The following MYOCOS variants were observed in gnomAD, a reference collection of about 807,000 sequenced individuals.
The protein encoded by MYOCOS is myocilin opposite strand.
chr1:171,618,697 T>A (rs1652495102), upstream of MYOCOS, among the ~76,000 whole-genome samples: 1 of 152,196 alleles, frequency 6.6e-6, no homozygotes, highest in South Asian at 2.1e-4. Context: ...TGTCTCTGCC[T>A]CCCGAGTAGC....
chr1:171,621,522 C>G (rs1406960066), upstream of MYOCOS, among the ~76,000 whole-genome samples: 2 of 151,758 alleles, frequency 1.3e-5, no homozygotes, highest in African/African-American at 4.8e-5. Context: ...ACTACAGGCA[C>G]CCGCCACCAC....
intron 2 of MYOCOS, among the ~76,000 whole-genome samples, chr1:171,616,264 G>A (rs1652448940): frequency 6.6e-6 from 1 of 151,050 alleles, no homozygotes; most frequent in African/African-American, 2.4e-5. Flanking sequence ...AAAGGGCTGG[G>A]CGCAGTGGCT....
At chr1:171,609,832 G>C (rs973837587) in intron 1 of MYOCOS, among the ~76,000 whole-genome samples, 1 of 152,154 alleles carries the variant, frequency 6.6e-6, no homozygotes, top group Non-Finnish European at 1.5e-5. Context: ...AGTTCCTATG[G>C]GTCAGGAATG....
intron 1 of MYOCOS, among the ~76,000 whole-genome samples, chr1:171,607,909 G>T (rs942694194): frequency 6.6e-6 from 1 of 152,282 alleles, no homozygotes; most frequent in South Asian, 2.1e-4. Context: ...TATTGGACTC[G>T]CAGTTCCATG....
chr1:171,626,168 G>C (rs1042879573), intron 2 of MYOCOS, among the ~76,000 whole-genome samples: 1 of 152,028 alleles, frequency 6.6e-6, no homozygotes, highest in Admixed American at 6.6e-5. Context: ...CTGTAGCCTC[G>C]ATCTCCCAGG....
upstream of MYOCOS, among the ~76,000 whole-genome samples, chr1:171,621,696 T>C (rs190664665): frequency 2.6e-5 from 4 of 152,152 alleles, no homozygotes; most frequent in Admixed American, 6.5e-5. Flanking sequence ...TTTATTATCA[T>C]GTAAAGAAAT....
chr1:171,625,243 G>C (rs1461715990), intron 2 of MYOCOS, among the ~76,000 whole-genome samples: 1 of 152,190 alleles, frequency 6.6e-6, no homozygotes, highest in Admixed American at 6.5e-5. Flanking sequence ...CCAAGGACGA[G>C]ATGGCATAAT....
upstream of MYOCOS, among the ~76,000 whole-genome samples, chr1:171,620,178 C>G (rs1465846186): frequency 6.6e-6 from 1 of 151,148 alleles, no homozygotes; most frequent in African/African-American, 2.4e-5. Context: ...TACCTTCATT[C>G]CATTATATGA....
At chr1:171,609,942 A>T (rs1652325353) in intron 1 of MYOCOS, among the ~76,000 whole-genome samples, 1 of 152,190 alleles carries the variant, frequency 6.6e-6, no homozygotes, top group Non-Finnish European at 1.5e-5. Context: ...GGCTCAAATG[A>T]GAGAAAATTA....
At chr1:171,622,411 G>C (rs1037193666) in intron 1 of MYOCOS, 79 bp downstream of exon 1, 3 of 152,200 alleles carry the variant, frequency 2.0e-5, no homozygotes, top group Admixed American at 6.6e-5. Context: ...ACTGACTACA[G>C]GAGGTTAAAA....
At chr1:171,620,229 C>G (rs1481068117), upstream of MYOCOS, among the ~76,000 whole-genome samples, 1 of 151,758 alleles carries the variant, frequency 6.6e-6, no homozygotes, top group African/African-American at 2.4e-5. Flanking sequence ...GCCCAAATTC[C>G]TATCTAAGGT....
chr1:171,616,076 G>T (rs945232029), intron 2 of MYOCOS, among the ~76,000 whole-genome samples: 4 of 151,524 alleles, frequency 2.6e-5, no homozygotes, highest in Admixed American at 2.0e-4. Context: ...AATTTGCCAG[G>T]CATGGTGGCA....
chr1:171,623,821 C>G lies in MYOCOS; in HGVS notation c.-43-20C>G. On this transcript the variant is annotated intron_variant, in intron 1 of 2. Coordinates refer to ENST00000637642, the MANE Select transcript of MYOCOS (RefSeq NM_001391940.1). ...GACCCCTGAAGCATGTGTGCCAGCT[C>G]TTGTGTTTTGCATTCACAGGTGCAG... The G allele has an allele frequency of 2.5e-6, 1 of 398,372 alleles. No individual in the cohort carries two copies. The highest frequency in any genetic ancestry group is 4.4e-6 in the Non-Finnish European group (1 of 226,020). The allele number at this position is 398,372 out of a possible 1,614,324, so 24.7% of individuals were successfully genotyped here.
chr1:171,619,658 G>A (rs773006891), upstream of MYOCOS, among the ~76,000 whole-genome samples: 3 of 152,024 alleles, frequency 2.0e-5, no homozygotes, highest in Non-Finnish European at 4.4e-5. Context: ...AGACCAGCCT[G>A]GCCAATATGG....
In MYOCOS at chr1:171,626,510, A is replaced by G; in HGVS notation, c.152A>G (p.Asp51Gly). The G allele has an allele frequency of 2.5e-6, 1 of 398,634 alleles. No individual in the cohort carries two copies. Among genetic ancestry groups the G allele is most frequent in the Admixed American group, 4.4e-5 (1 of 22,734 alleles). The allele number at this position is 398,634 out of a possible 1,614,324, so 24.7% of individuals were successfully genotyped here. Residue 51 changes from aspartate to glycine, a missense_variant, in exon 3 of 3, where the codon GAT (aspartate) becomes GGT (glycine). Coordinates refer to ENST00000637642, the MANE Select transcript of MYOCOS (RefSeq NM_001391940.1). Reference sequence around the variant, plus strand: ...GCTAAGGAGATGCTCTCCCACTTGGATTTGGAGCAAGCCCCTCCCCCTCAC... The same window carrying G: ...GCTAAGGAGATGCTCTCCCACTTGGGTTTGGAGCAAGCCCCTCCCCCTCAC... ...DEAKEMLSHL[D>G]LEQAPPPHRT...
intron 1 of MYOCOS, among the ~76,000 whole-genome samples, chr1:171,623,324 C>A (rs1178641414): frequency 6.6e-6 from 1 of 152,184 alleles, no homozygotes; most frequent in African/African-American, 2.4e-5. Context: ...CATATCTGGA[C>A]AAGTAGCATG....
At position 171,617,084 on chromosome 1, in the gene MYOCOS, G is replaced by A. The variant is rs574385399; in HGVS notation, c.-44+2079G>A. ...GAAAGAGTTAAGCTGCTGACCCTGAGGCAGGGGAGAGCTGGCCACACAGCT... is the reference window on the plus strand; with the variant it reads ...GAAAGAGTTAAGCTGCTGACCCTGAAGCAGGGGAGAGCTGGCCACACAGCT... On this transcript the variant is annotated intron_variant, in intron 2 of 3. Transcript: ENST00000636697. Among the ~76,000 whole-genome samples the A allele has an allele frequency of 2.4e-4, 37 of 152,296 alleles. No homozygotes were observed. The South Asian group carries it at 7.7e-3, about 32-fold the overall frequency.
At chr1:171,616,056 A>G (rs1167684147) in intron 2 of MYOCOS, among the ~76,000 whole-genome samples, 1 of 151,756 alleles carries the variant, frequency 6.6e-6, no homozygotes, top group African/African-American at 2.4e-5. Context: ...GTCTCTACTA[A>G]AAATACAAAA....
upstream of MYOCOS, among the ~76,000 whole-genome samples, chr1:171,619,543 A>C (rs970783895): frequency 3.3e-5 from 5 of 152,206 alleles, no homozygotes; most frequent in African/African-American, 1.2e-4. Context: ...AACACACACA[A>C]AACAGATTAT....
Sources: allele counts gnomAD v4.1 joint callset (sites outside exome capture counted in the v4.1 genomes callset), GRCh38; gene constraint gnomAD v4.1.1; transcripts MANE v1.5; gene names NCBI Gene and HGNC (gene_info 2026-07-23, HGNC 2026-07-21).